TFDP1: variants seen among roughly 807,000 people sequenced by gnomAD.
TFDP1 encodes the protein transcription factor Dp-1, also known as DRTF1-polypeptide 1.
A neutral mutation model predicts 48.0 loss-of-function variants in TFDP1; 6 were observed. The ratio of observed to expected loss-of-function variants is 0.13; its 90% CI spans 0.07 to 0.25. TFDP1 has a LOEUF of 0.25. Ranked by LOEUF, TFDP1 falls within the 10% of genes least tolerant of loss-of-function variation. The pLI is 1.00. For synonymous variants in TFDP1, 201 were observed against 211.6 expected (o/e 0.95, Z 0.44); for missense variants, 335 against 543.0 (o/e 0.62, Z 3.81).
chr13:113,617,387 C>T (rs1396401107), intron 3 of TFDP1, among the ~76,000 whole-genome samples: 2 of 152,024 alleles, frequency 1.3e-5, no homozygotes, highest in Non-Finnish European at 2.9e-5. Flanking sequence ...CAAGTGTGCA[C>T]AAATGCTGCT....
intron 4 of TFDP1, among the ~76,000 whole-genome samples, chr13:113,626,037 C>T (rs1351396817): frequency 1.4e-5 from 2 of 139,230 alleles, no homozygotes; most frequent in African/African-American, 2.8e-5. Flanking sequence ...GTGTCTCTCA[C>T]GCGTCCTCAG....
At chr13:113,621,970 A>G (rs2049005496) in intron 3 of TFDP1, among the ~76,000 whole-genome samples, 1 of 152,210 alleles carries the variant, frequency 6.6e-6, no homozygotes, top group Non-Finnish European at 1.5e-5. Context: ...AGATAGCAGT[A>G]GTAAATTAGT....
Position 113,633,214 on chromosome 13 carries a change from T to A in TFDP1, c.403T>A (p.Tyr135Asn). The A allele has an allele frequency of 6.2e-7, 1 of 1,614,108 alleles. No individual in the cohort carries two copies. Among genetic ancestry groups the A allele is most frequent in the Non-Finnish European group, 8.5e-7 (1 of 1,180,028 alleles). Residue 135 changes from tyrosine (Y) to asparagine (N), a missense_variant, in exon 6 of 12, where the codon TAC (tyrosine) becomes AAC (asparagine). Tyr to Asn is a moderately radical substitution (Grantham distance 143, BLOSUM62 -2). Coordinates refer to ENST00000375370, the MANE Select transcript of TFDP1 (RefSeq NM_007111.5). The surrounding 1 kb of genome is among the most constrained non-coding windows in gnomAD (Gnocchi z 4.5). The stretch of plus-strand genomic sequence containing the variant: ...GGTGCAGAGGAAAGGGACCACTTCC[T>A]ACAACGAAGTGGCAGACGAGCTGGT... ...EKVQRKGTTS[Y>N]NEVADELVAE...
chr13:113,606,595 G>A (rs1043890296), intron 2 of TFDP1, among the ~76,000 whole-genome samples: 5 of 152,120 alleles, frequency 3.3e-5, no homozygotes, highest in African/African-American at 4.8e-5. Context: ...CCTGGAGGCT[G>A]TGTGCCCCAG....
intron 4 of TFDP1, among the ~76,000 whole-genome samples, chr13:113,628,539 C>G (rs923251247): frequency 1.3e-5 from 2 of 152,202 alleles, no homozygotes; most frequent in Middle Eastern, 3.2e-3. Flanking sequence ...TCAGCCCCTG[C>G]CTGCCTCCTG....
In TFDP1 at chr13:113,622,998, G is replaced by A. The variant is rs191014583; in HGVS notation, c.80-182G>A. The stretch of plus-strand genomic sequence containing the variant: ...CGCGGCCCTGCGGCCCTCCCCTTAC[G>A]GGTTTACATTGGGAATCAAGCTTCA... On this transcript the variant is annotated intron_variant, in intron 3 of 11. Coordinates refer to ENST00000375370, the MANE Select transcript of TFDP1 (RefSeq NM_007111.5). Among the ~76,000 whole-genome samples, 22 of 152,368 alleles carry A rather than the reference G, an allele frequency of 1.4e-4. No individual in the cohort carries two copies. The East Asian group carries it at 2.3e-3, about 16-fold the overall frequency.
intron 2 of TFDP1, 68 bp downstream of exon 2, chr13:113,585,917 CT>C: frequency 6.5e-7 from 1 of 1,537,212 alleles, no homozygotes. Flanking sequence ...AGTTCTCTGC[CT>C]TTATTTCAGA....
At chr13:113,593,670 A>G (rs1223552209) in intron 2 of TFDP1, among the ~76,000 whole-genome samples, 3 of 98,654 alleles carry the variant, frequency 3.0e-5, no homozygotes, top group Admixed American at 1.2e-4. Context: ...TGTGGTGTAC[A>G]CGGGTCCTCA....
chr13:113,638,565 GA>G (rs1373780251), intron 11 of TFDP1, among the ~76,000 whole-genome samples: 2 of 152,238 alleles, frequency 1.3e-5, no homozygotes, highest in Non-Finnish European at 2.9e-5. Context: ...GTATTTTTCA[GA>G]ACGCGTCTGT....
At chr13:113,597,133 T>G (rs9577579) in intron 2 of TFDP1, among the ~76,000 whole-genome samples, 58,582 of 151,750 alleles carry the variant, frequency 0.39, 11,607 homozygotes, top group Middle Eastern at 0.47. Flanking sequence ...TTTCTGAGAG[T>G]GCCGGTGGCT....
Position 113,631,661 on chromosome 13 carries a change from C to G in TFDP1, c.225C>G (p.Thr75=). The G allele has an allele frequency of 1.2e-6, 2 of 1,614,118 alleles. No homozygotes were observed. Among genetic ancestry groups the G allele is most frequent in the Non-Finnish European group, 1.7e-6 (2 of 1,180,000 alleles). ...CTCAGAGACCGGCAGCGTCAAACAC[C>G]CTGGTGGTAGGAAGCCCACACACCC... ...GTPQRPAASN[T]LVVGSPHTPS... Residue 75 remains threonine, a synonymous_variant, in exon 5 of 12, where the codon ACC becomes ACG. Transcript: ENST00000375370.
chr13:113,620,065 C>T (rs2048960911), intron 3 of TFDP1, among the ~76,000 whole-genome samples: 1 of 152,170 alleles, frequency 6.6e-6, no homozygotes, highest in Non-Finnish European at 1.5e-5. Flanking sequence ...AAACCCTTAG[C>T]GACCCACCCC....
rs57557034 is a variant in TFDP1, at chr13:113,616,049, A to G, written c.79+4987A>G. Reference sequence around the variant, plus strand: ...GAAACCACCTCTCCACTAAAAATATAAAAATTAGTGGGGCGCTGTGGTACA... The same window carrying G: ...GAAACCACCTCTCCACTAAAAATATGAAAATTAGTGGGGCGCTGTGGTACA... On this transcript the variant is annotated intron_variant, in intron 3 of 11. Transcript: ENST00000375370. Among the ~76,000 whole-genome samples, 666 of 152,026 alleles carry G rather than the reference A, an allele frequency of 4.4e-3. 31 individuals carry two copies. The East Asian group carries it at 0.11, about 24-fold the overall frequency.
At chr13:113,637,334 T>TAAAA in intron 10 of TFDP1, 1 of 294,898 alleles carries the variant, frequency 3.4e-6, no homozygotes, top group South Asian at 3.1e-5. Context: ...GGTCAGAGAT[T>TAAAA]CCTCCCTGAG....
chr13:113,610,267 A>G (rs1286132199), intron 2 of TFDP1, among the ~76,000 whole-genome samples: 2 of 149,890 alleles, frequency 1.3e-5, no homozygotes, highest in Non-Finnish European at 3.0e-5. Context: ...TGGCTGTACC[A>G]TCACGTTTGT....
rs527261475 is a variant in TFDP1, at chr13:113,637,629, G to C, written c.1007-189G>C. The C allele has an allele frequency of 2.1e-5, 32 of 1,535,498 alleles. 1 individual carries two copies. The South Asian group carries it at 3.7e-4, about 18-fold the overall frequency. On this transcript the variant is annotated intron_variant, in intron 10 of 11. Transcript: ENST00000375370. Reference sequence around the variant, plus strand: ...GTTCTTGCCTTTTTAGAGAAGACAGGCTTATGTGACTGCACAGCGGGATGT... The same window carrying C: ...GTTCTTGCCTTTTTAGAGAAGACAGCCTTATGTGACTGCACAGCGGGATGT...
chr13:113,608,540 A>T (rs1332830148), intron 2 of TFDP1, among the ~76,000 whole-genome samples: 1 of 152,154 alleles, frequency 6.6e-6, no homozygotes, highest in East Asian at 1.9e-4. Context: ...ACTCCCACAC[A>T]GATGCTCGAG....
intron 7 of TFDP1, chr13:113,634,244 C>A: frequency 1.4e-6 from 1 of 723,184 alleles, no homozygotes; most frequent in Non-Finnish European, 2.4e-6. Flanking sequence ...GTCTGTTAAA[C>A]TCTAGTGTAG....
At chr13:113,599,269 C>T (rs932551384) in intron 2 of TFDP1, among the ~76,000 whole-genome samples, 3 of 152,064 alleles carry the variant, frequency 2.0e-5, no homozygotes, top group African/African-American at 7.2e-5. Context: ...GCTGGTGCCT[C>T]GTCCCTGTCA....
Sources: allele counts gnomAD v4.1 joint callset (sites outside exome capture counted in the v4.1 genomes callset), GRCh38; gene constraint gnomAD v4.1.1; non-coding constraint Gnocchi (gnomAD v3.1); transcripts MANE v1.5; gene names NCBI Gene and HGNC (gene_info 2026-07-23, HGNC 2026-07-21).